The following FLVCR2 variants were observed in gnomAD, a reference collection of about 807,000 sequenced individuals.
The protein encoded by FLVCR2 is choline/ethanolamine transporter FLVCR2.
A neutral mutation model predicts 48.9 loss-of-function variants in FLVCR2; 38 were observed. The observed-to-expected ratio is 0.78, with a 90% confidence interval of 0.60 to 1.02. FLVCR2 has a LOEUF of 1.02. FLVCR2 is among the 50% of genes least tolerant of loss of function. FLVCR2 has a pLI of 0.00. For missense variants in FLVCR2, 664 were observed against 663.3 expected, an observed-to-expected ratio of 1.00 and a Z score of -0.01; for synonymous variants, 255 against 257.0, an observed-to-expected ratio of 0.99 and a Z score of 0.07.
intron 9 of FLVCR2, 66 bp from the exon 10 acceptor site, chr14:75,646,335 C>G (rs1222311247): frequency 2.7e-6 from 3 of 1,126,956 alleles, no homozygotes; most frequent in Admixed American, 1.7e-5. Flanking sequence ...GGCCAGGCAG[C>G]TGCTCCAGCC....
chr14:75,605,712 C>G, intron 1 of FLVCR2: 1 of 1,271,870 alleles, frequency 7.9e-7, no homozygotes, highest in South Asian at 1.3e-5. Flanking sequence ...TGCTTTGGCT[C>G]CCCTCCGATT....
chr14:75,635,012 A>G lies in FLVCR2; in HGVS notation c.1123A>G (p.Lys375Glu). The change falls in exon 5 of 10, where the codon AAA becomes GAA. Residue 375 changes from lysine (K) to glutamate (E), a missense_variant and splice_region_variant. Lys to Glu is a moderately conservative substitution (Grantham distance 56, BLOSUM62 1). Transcript: ENST00000238667. ...GIWLDRSKTY[K>E]ETTLVVYIMT... ...CTGGCTGGATAGGTCCAAAACCTAC[A>G]AGTAAGTGACTCATCCTCTTGGACT... 2 of 1,595,452 alleles carry G rather than the reference A, an allele frequency of 1.3e-6. No individual in the cohort carries two copies. Among genetic ancestry groups the G allele is most frequent in the Non-Finnish European group, 1.7e-6 (2 of 1,162,950 alleles).
chr14:75,637,864 G>A (rs909061945), intron 5 of FLVCR2, among the ~76,000 whole-genome samples: 1 of 152,122 alleles, frequency 6.6e-6, no homozygotes, highest in Non-Finnish European at 1.5e-5. Flanking sequence ...AAGAATGCAG[G>A]TCGAATTGCA....
At position 75,578,733 on chromosome 14, in the gene FLVCR2, G is replaced by T. The variant is rs546416868; in HGVS notation, c.-240G>T. ...TCCGGAGCCGGCTGCGGCGTGTGCG[G>T]CCGGCCTTGGGACAGCGATCGCCGC... On this transcript the variant is annotated 5_prime_UTR_variant, in exon 1 of 10. Transcript: ENST00000238667. 8.5e-6 allele frequency: 5 copies of T among 587,430 alleles called. No homozygotes were observed. In the Admixed American group the frequency reaches 1.5e-4, roughly 17 times the overall value. The allele number at this position is 587,430 out of a possible 1,614,324, so 36.4% of individuals were successfully genotyped here.
chr14:75,624,975 G>C lies in FLVCR2; in HGVS notation c.952+223G>C, dbSNP rs532484425. ...ATGTCAGGTTATCTGACAAATGCCT[G>C]TTGGTCCTCCAAGTCTCATCTCAGT... On this transcript the variant is annotated intron_variant, in intron 3 of 9. Transcript: ENST00000238667. 4.0e-5 allele frequency among the ~76,000 whole-genome samples: 6 copies of C among 149,764 alleles called. No homozygotes were observed. In the East Asian group the frequency reaches 1.2e-3, roughly 29 times the overall value.
chr14:75,589,080 G>T (rs183067185), intron 1 of FLVCR2, among the ~76,000 whole-genome samples: 1 of 151,950 alleles, frequency 6.6e-6, no homozygotes, highest in African/African-American at 2.4e-5. Flanking sequence ...GCTGTGCATG[G>T]TTGCACATGC....
At chr14:75,588,653 A>AT (rs1699177497) in intron 1 of FLVCR2, among the ~76,000 whole-genome samples, 1 of 152,068 alleles carries the variant, frequency 6.6e-6, no homozygotes, top group Admixed American at 6.6e-5. Flanking sequence ...AAATTTTTGT[A>AT]TTTTTAGGAG....
intron 1 of FLVCR2, among the ~76,000 whole-genome samples, chr14:75,602,859 C>T (rs187275863): frequency 2.2e-4 from 33 of 152,272 alleles, no homozygotes; most frequent in African/African-American, 7.5e-4. Context: ...ACCAAGCAAA[C>T]GAACAAAAGA....
In FLVCR2 at chr14:75,646,534, C is replaced by T; in HGVS notation, c.*62C>T. ...CCACCTTTTCCTTCAGCACAGCTCT[C>T]ACCGCCAGCACAAAGGGCTTCGCTA... On this transcript the variant is annotated 3_prime_UTR_variant, in exon 10 of 10. Transcript: ENST00000238667. 8.4e-7 allele frequency: 1 copy of T among 1,184,884 alleles called. No homozygotes were observed. Among genetic ancestry groups the T allele is most frequent in the Non-Finnish European group, 1.3e-6 (1 of 791,506 alleles). The allele number at this position is 1,184,884 out of a possible 1,614,324, so 73.4% of individuals were successfully genotyped here. A position where few individuals can be genotyped will look rare whatever the true frequency, so the allele number is the denominator to read the frequency against.
At chr14:75,591,030 G>T (rs1008940319) in intron 1 of FLVCR2, among the ~76,000 whole-genome samples, 3 of 152,170 alleles carry the variant, frequency 2.0e-5, no homozygotes, top group Admixed American at 2.0e-4. Context: ...ATATACAACG[G>T]TTGCACAGGC....
At chr14:75,601,524 T>G (rs966939210) in intron 1 of FLVCR2, among the ~76,000 whole-genome samples, 1 of 151,816 alleles carries the variant, frequency 6.6e-6, no homozygotes, top group African/African-American at 2.4e-5. Flanking sequence ...ATGGCTATTA[T>G]TAAAAAAAAA....
rs775679843 is a variant in FLVCR2, at chr14:75,625,126, C to T, written c.952+374C>T. ...CTATTTCCCCATTAGACTGAACTCT[C>T]TGAGTGTGGATTTATGTTTTTCATC... On this transcript the variant is annotated intron_variant, in intron 3 of 9. Transcript: ENST00000238667. Among the ~76,000 whole-genome samples, 35 of 152,176 alleles carry T rather than the reference C, an allele frequency of 2.3e-4. 1 individual carries two copies. The highest frequency in any genetic ancestry group is 8.3e-4 in the South Asian group (4 of 4,828).
chr14:75,583,344 G>A (rs922572053), intron 1 of FLVCR2, among the ~76,000 whole-genome samples: 6 of 152,126 alleles, frequency 3.9e-5, no homozygotes, highest in African/African-American at 9.7e-5. Context: ...AGAGTTTATA[G>A]GCTTTAAAAG....
chr14:75,598,406 T>C (rs928888175), intron 1 of FLVCR2, among the ~76,000 whole-genome samples: 5 of 152,212 alleles, frequency 3.3e-5, no homozygotes, highest in African/African-American at 1.2e-4. Flanking sequence ...GAAGCTCAGA[T>C]TGGCCTGGCC....
In FLVCR2 at chr14:75,580,612, G is replaced by A. The variant is rs143975774; in HGVS notation, c.669+971G>A. On this transcript the variant is annotated intron_variant, in intron 1 of 9. Transcript: ENST00000238667. The stretch of plus-strand genomic sequence containing the variant: ...TCTGAAAAAGGAGTCAGCAAAGGGT[G>A]GTGGATTATCATCAGTTCTTATAGG... Among the ~76,000 whole-genome samples the A allele has an allele frequency of 3.1e-3, 477 of 152,280 alleles. 4 individuals carry two copies. The highest frequency in any genetic ancestry group is 0.011 in the African/African-American group (457 of 41,524).
rs1890296430 is a variant in FLVCR2, at chr14:75,641,021, A to G, written c.1302A>G (p.Ser434=). 6.2e-7 allele frequency: 1 copy of G among 1,614,028 alleles called. No individual in the cohort carries two copies. The highest frequency in any genetic ancestry group is 1.7e-5 in the Admixed American group (1 of 60,006). ...EFAVELTYPE[S]EGISSGLLNI... is the part of the protein sequence containing the mutation. ...CTGTGGAGCTCACGTACCCAGAATCAGAAGGCATCTCCTCCGGCCTCCTCA... is the reference window on the plus strand; with the variant it reads ...CTGTGGAGCTCACGTACCCAGAATCGGAAGGCATCTCCTCCGGCCTCCTCA... Residue 434 remains serine (S), a synonymous_variant, in exon 7 of 10, where the codon TCA becomes TCG. Coordinates refer to ENST00000238667, the MANE Select transcript of FLVCR2 (RefSeq NM_017791.3).
chr14:75,608,338 G>C (rs1221743891), intron 1 of FLVCR2, among the ~76,000 whole-genome samples: 2 of 152,222 alleles, frequency 1.3e-5, no homozygotes. Flanking sequence ...GAGCTGAGCT[G>C]TTCGGCGGCT....
At chr14:75,591,493 T>C (rs1888875584) in intron 1 of FLVCR2, among the ~76,000 whole-genome samples, 1 of 151,080 alleles carries the variant, frequency 6.6e-6, no homozygotes, top group Admixed American at 6.6e-5. Flanking sequence ...ATGGCTGTAC[T>C]CACAGGTTGG....
chr14:75,632,855 A>G (rs190185519), intron 3 of FLVCR2: 1 of 702,316 alleles, frequency 1.4e-6, no homozygotes, highest in East Asian at 2.7e-5. Flanking sequence ...TACTTTCTAG[A>G]GTTGTCATAA....
Sources: allele counts gnomAD v4.1 joint callset (sites outside exome capture counted in the v4.1 genomes callset), GRCh38; gene constraint gnomAD v4.1.1; transcripts MANE v1.5; gene names NCBI Gene and HGNC (gene_info 2026-07-23, HGNC 2026-07-21).